Variants in UGGT2 observed in about 807,000 individuals in gnomAD.
UGGT2 encodes UDP-glucose:glycoprotein glucosyltransferase 2.
In UGGT2, 180 loss-of-function variants were observed where a neutral mutation model predicts 192.1. The ratio of observed to expected loss-of-function variants is 0.94; its 90% CI spans 0.83 to 1.06. UGGT2 has a LOEUF of 1.06. UGGT2 is among the 50% of genes least tolerant of loss of function. The pLI, the probability that UGGT2 is intolerant of heterozygous loss-of-function variation, is 0.00. For synonymous variants in UGGT2, 580 were observed against 591.0 expected (o/e 0.98, Z 0.27); for missense variants, 1,849 against 1,795.7 (o/e 1.03, Z -0.54).
At chr13:96,019,916 T>A (rs1164463624) in intron 4 of UGGT2, among the ~76,000 whole-genome samples, 5 of 152,198 alleles carry the variant, frequency 3.3e-5, no homozygotes, top group Non-Finnish European at 5.9e-5. Context: ...GCCCACCAGC[T>A]GTTAACTTAG....
intron 38 of UGGT2, among the ~76,000 whole-genome samples, chr13:95,816,177 A>G (rs1884866214): frequency 6.6e-6 from 1 of 152,220 alleles, no homozygotes; most frequent in Non-Finnish European, 1.5e-5. Flanking sequence ...TCTTAATGGC[A>G]GTGTAAGAAC....
At chr13:95,865,073 T>G (rs538621209) in intron 30 of UGGT2, among the ~76,000 whole-genome samples, 1 of 152,320 alleles carries the variant, frequency 6.6e-6, no homozygotes, top group East Asian at 1.9e-4. Flanking sequence ...GACCCACTTT[T>G]CCTTCTTAGT....
At chr13:95,961,063 T>A (rs1161550702) in intron 12 of UGGT2, among the ~76,000 whole-genome samples, 2 of 152,120 alleles carry the variant, frequency 1.3e-5, no homozygotes, top group African/African-American at 4.8e-5. Context: ...AGTGAAAGAA[T>A]GGTATCTACC....
Position 95,900,855 on chromosome 13 carries a change from A to G in UGGT2, c.2586T>C (p.Asp862=). Residue 862 remains aspartate, a synonymous_variant, in exon 22 of 39, where the codon GAT becomes GAC. Coordinates refer to ENST00000376747, the MANE Select transcript of UGGT2 (RefSeq NM_020121.4). ...IFRTHQLFCQ[D]VLKLRPGEMG... ...TTTCTCCAGGACGTAATTTAAGTACATCTTGACAGAACAACTGGTGAGTTC... is the reference window on the plus strand; with the variant it reads ...TTTCTCCAGGACGTAATTTAAGTACGTCTTGACAGAACAACTGGTGAGTTC... 6.2e-7 allele frequency: 1 copy of G among 1,611,976 alleles called. No homozygotes were observed. Among genetic ancestry groups the G allele is most frequent in the Non-Finnish European group, 8.5e-7 (1 of 1,179,158 alleles).
At chr13:95,916,643 C>T (rs1462596087) in intron 20 of UGGT2, among the ~76,000 whole-genome samples, 4 of 152,044 alleles carry the variant, frequency 2.6e-5, no homozygotes, top group African/African-American at 4.8e-5. Flanking sequence ...TGCAAAGAAA[C>T]GAAGCACTAT....
intron 29 of UGGT2, among the ~76,000 whole-genome samples, chr13:95,869,377 T>A: frequency 6.6e-6 from 1 of 152,156 alleles, no homozygotes; most frequent in Admixed American, 6.5e-5. Context: ...TAGCAGCATG[T>A]CTTATAATCC....
intron 1 of UGGT2, among the ~76,000 whole-genome samples, chr13:96,039,400 C>T (rs1263158517): frequency 1.3e-5 from 2 of 152,130 alleles, no homozygotes; most frequent in Non-Finnish European, 2.9e-5. Context: ...GGATCCTCCC[C>T]AGATCCTTCC....
intron 5 of UGGT2, among the ~76,000 whole-genome samples, chr13:96,011,371 A>C (rs1207922423): frequency 6.6e-6 from 1 of 152,062 alleles, no homozygotes; most frequent in Non-Finnish European, 1.5e-5. Flanking sequence ...ACATAAAAAG[A>C]ATTCTGAAAA....
At chr13:95,840,457 GA>G (rs1887746546) in intron 36 of UGGT2, among the ~76,000 whole-genome samples, 1 of 152,182 alleles carries the variant, frequency 6.6e-6, no homozygotes, top group African/African-American at 2.4e-5. Flanking sequence ...CATCATCACT[GA>G]TTATTAGAGA....
chr13:95,962,329 G>A (rs1369518561), intron 12 of UGGT2, among the ~76,000 whole-genome samples: 1 of 151,888 alleles, frequency 6.6e-6, no homozygotes, highest in South Asian at 2.1e-4. Context: ...GACTAACCAT[G>A]ACAGAGAAGA....
At chr13:95,923,962 A>G (rs1246238186) in intron 20 of UGGT2, among the ~76,000 whole-genome samples, 4 of 152,194 alleles carry the variant, frequency 2.6e-5, no homozygotes, top group Non-Finnish European at 5.9e-5. Flanking sequence ...AATGTAAAAT[A>G]CTTGGGTGAA....
intron 5 of UGGT2, among the ~76,000 whole-genome samples, chr13:96,004,992 T>C (rs2051928466): frequency 6.6e-6 from 1 of 152,026 alleles, no homozygotes; most frequent in Non-Finnish European, 1.5e-5. Context: ...AACACTCCAA[T>C]TGGTGTTGGG....
intron 4 of UGGT2, among the ~76,000 whole-genome samples, chr13:96,016,485 G>A (rs897781286): frequency 2.5e-4 from 38 of 152,276 alleles, no homozygotes; most frequent in Admixed American, 1.9e-3. Flanking sequence ...TTCCAGCCTC[G>A]GCTCAAAGGG....
Position 95,854,299 on chromosome 13 carries a change from G to A in UGGT2, c.4169+16C>T, listed in dbSNP as rs960091103. The stretch of plus-strand genomic sequence containing the variant: ...ATTACTTATTTACTAAATGGTAAGG[G>A]TCTGACTTTTCTTACCTGATATGGT... On this transcript the variant is annotated intron_variant, in intron 35 of 38. Transcript: ENST00000376747. 6.2e-7 allele frequency: 1 copy of A among 1,604,776 alleles called. No individual in the cohort carries two copies.
intron 1 of UGGT2, among the ~76,000 whole-genome samples, chr13:96,039,941 A>G (rs1315716977): frequency 1.3e-5 from 2 of 152,218 alleles, no homozygotes; most frequent in Non-Finnish European, 2.9e-5. Context: ...AGTATTCTCT[A>G]TGATGACAGA....
intron 37 of UGGT2, among the ~76,000 whole-genome samples, chr13:95,834,321 G>C (rs1228091627): frequency 6.6e-6 from 1 of 152,050 alleles, no homozygotes; most frequent in Non-Finnish European, 1.5e-5. Context: ...CTTTGGCAAA[G>C]TCTGGAGAAA....
At chr13:95,878,622 G>C (rs940950323) in intron 27 of UGGT2, among the ~76,000 whole-genome samples, 2 of 152,098 alleles carry the variant, frequency 1.3e-5, no homozygotes, top group African/African-American at 4.8e-5. Context: ...AACTAAACAT[G>C]AAAATAAATC....
chr13:95,801,890 G>A lies in UGGT2; in HGVS notation c.4529-78C>T, dbSNP rs1183942783. On this transcript the variant is annotated intron_variant, in intron 38 of 38. Transcript: ENST00000376747. ...CTTAAATATTACTTACATATGATGA[G>A]GAAGCACCGGTACTGACTGAGGATC... 3.2e-6 allele frequency: 5 copies of A among 1,538,970 alleles called. No homozygotes were observed. The African/African-American group carries it at 5.5e-5, about 17-fold the overall frequency.
At chr13:95,913,319 A>C (rs1185853235) in intron 20 of UGGT2, among the ~76,000 whole-genome samples, 2 of 152,236 alleles carry the variant, frequency 1.3e-5, no homozygotes, top group African/African-American at 2.4e-5. Flanking sequence ...GAATGGGAGA[A>C]AATTTTTGCA....
Sources: gnomAD v4.1 joint callset for allele counts (sites outside exome capture counted in the v4.1 genomes callset) on GRCh38, gnomAD v4.1.1 for gene constraint, MANE v1.5 for transcripts, NCBI Gene and HGNC (gene_info 2026-07-23, HGNC 2026-07-21) for gene names.